TBCA: variants seen among roughly 807,000 people sequenced by gnomAD.
TBCA encodes the protein tubulin folding cofactor A.
Under a neutral mutation model 15.8 loss-of-function variants are expected in TBCA, and 6 were observed. The ratio of observed to expected loss-of-function variants is 0.38; its 90% CI spans 0.21 to 0.75. TBCA has a LOEUF of 0.75. TBCA is among the 30% of genes least tolerant of loss of function. The pLI, the probability that TBCA is intolerant of heterozygous loss-of-function variation, is 0.46. For synonymous variants in TBCA, 32 were observed against 42.3 expected (o/e 0.76, Z 0.94); for missense variants, 90 against 131.2 (o/e 0.69, Z 1.53).
chr5:77,695,288 A>G (rs181994377), intron 2 of TBCA, among the ~76,000 whole-genome samples: 1 of 152,248 alleles, frequency 6.6e-6, no homozygotes, highest in African/African-American at 2.4e-5. Context: ...CAACTTACAC[A>G]GGGCCAAAGC....
chr5:77,767,806 T>C (rs1040313014), intron 1 of TBCA, among the ~76,000 whole-genome samples: 20 of 152,352 alleles, frequency 1.3e-4, no homozygotes, highest in African/African-American at 4.6e-4. Flanking sequence ...ATCCACACTG[T>C]TGATAATCTA....
intron 1 of TBCA, among the ~76,000 whole-genome samples, chr5:77,747,287 C>A (rs982059575): frequency 6.6e-6 from 1 of 152,042 alleles, no homozygotes; most frequent in African/African-American, 2.4e-5. Flanking sequence ...CTACTACTTT[C>A]ACTACATATA....
At chr5:77,720,439 C>T (rs956219467) in intron 1 of TBCA, among the ~76,000 whole-genome samples, 3 of 152,158 alleles carry the variant, frequency 2.0e-5, no homozygotes, top group Admixed American at 6.5e-5. Flanking sequence ...GTCGGCCAGG[C>T]GCGGTGGCTC....
intron 1 of TBCA, among the ~76,000 whole-genome samples, chr5:77,711,603 T>C (rs1746279203): frequency 6.6e-6 from 1 of 152,164 alleles, no homozygotes; most frequent in African/African-American, 2.4e-5. Flanking sequence ...GAAATATATA[T>C]TTATAAAACA....
intron 1 of TBCA, among the ~76,000 whole-genome samples, chr5:77,738,105 T>A (rs995921161): frequency 6.6e-6 from 1 of 152,232 alleles, no homozygotes; most frequent in Non-Finnish European, 1.5e-5. Flanking sequence ...AAAGCCAATA[T>A]AATCTATCAC....
intron 1 of TBCA, among the ~76,000 whole-genome samples, chr5:77,722,934 T>G (rs1186290783): frequency 2.6e-5 from 4 of 151,806 alleles, no homozygotes; most frequent in Non-Finnish European, 5.9e-5. Context: ...TCTATGATAG[T>G]ATAATATTAA....
chr5:77,750,913 A>G (rs1277641881), intron 1 of TBCA, among the ~76,000 whole-genome samples: 1 of 152,180 alleles, frequency 6.6e-6, no homozygotes, highest in East Asian at 1.9e-4. Context: ...GGTAGATTTA[A>G]ACATATTCTG....
At chr5:77,717,307 G>C (rs943559540) in intron 1 of TBCA, among the ~76,000 whole-genome samples, 4 of 152,156 alleles carry the variant, frequency 2.6e-5, no homozygotes, top group African/African-American at 9.7e-5. Context: ...AGATTGTTCT[G>C]TAAGTACAGA....
intron 1 of TBCA, among the ~76,000 whole-genome samples, chr5:77,761,991 T>C (rs1053353732): frequency 1.3e-5 from 2 of 152,324 alleles, no homozygotes; most frequent in South Asian, 2.1e-4. Context: ...GCAGAATCAG[T>C]TTCTGTGGCC....
At chr5:77,752,483 C>T (rs1016231313) in intron 1 of TBCA, among the ~76,000 whole-genome samples, 1 of 152,218 alleles carries the variant, frequency 6.6e-6, no homozygotes, top group Admixed American at 6.5e-5. Flanking sequence ...ACTGCCTCAG[C>T]CTCCAAAGTA....
intron 1 of TBCA, among the ~76,000 whole-genome samples, chr5:77,773,800 A>G (rs1365257710): frequency 6.6e-6 from 1 of 152,244 alleles, no homozygotes; most frequent in Non-Finnish European, 1.5e-5. Flanking sequence ...AACAGGAAGA[A>G]GCCAGTTGGT....
intron 3 of TBCA, chr5:77,692,042 T>C (rs1380715715): frequency 1.0e-6 from 1 of 985,218 alleles, no homozygotes; most frequent in Non-Finnish European, 1.2e-6. Flanking sequence ...TTTCATTTTC[T>C]GATATTTAAA....
chr5:77,743,225 G>A (rs781089068), intron 1 of TBCA, among the ~76,000 whole-genome samples: 3 of 152,164 alleles, frequency 2.0e-5, no homozygotes, highest in Admixed American at 1.3e-4. Context: ...AGCATATAGC[G>A]GTTAGAGGTA....
At chr5:77,692,298 C>CA (rs1302290433) in intron 3 of TBCA, 1 of 985,254 alleles carries the variant, frequency 1.0e-6, no homozygotes, top group Non-Finnish European at 1.2e-6. Flanking sequence ...TTGCTTAGCT[C>CA]AAACTATACG....
chr5:77,742,641 G>T (rs950215082), intron 1 of TBCA, among the ~76,000 whole-genome samples: 2 of 152,140 alleles, frequency 1.3e-5, no homozygotes, highest in Non-Finnish European at 2.9e-5. Context: ...ATACCAAAAT[G>T]TTCAGGTAAT....
intron 1 of TBCA, among the ~76,000 whole-genome samples, chr5:77,740,441 T>A (rs1334131398): frequency 6.6e-6 from 1 of 151,844 alleles, no homozygotes; most frequent in African/African-American, 2.4e-5. Flanking sequence ...CTATAGGAAT[T>A]GAGATGTAGG....
At chr5:77,773,666 G>A (rs1747959993) in intron 1 of TBCA, among the ~76,000 whole-genome samples, 1 of 152,214 alleles carries the variant, frequency 6.6e-6, no homozygotes, top group Non-Finnish European at 1.5e-5. Context: ...TGGCAATAAA[G>A]CTTCCCGGGA....
At chr5:77,765,467 C>T (rs1747749548) in intron 1 of TBCA, among the ~76,000 whole-genome samples, 1 of 152,168 alleles carries the variant, frequency 6.6e-6, no homozygotes, top group Non-Finnish European at 1.5e-5. Context: ...TAACATTGGA[C>T]ATAGCCAGGA....
chr5:77,700,598 G>C (rs1322202512), intron 2 of TBCA, among the ~76,000 whole-genome samples: 2 of 152,208 alleles, frequency 1.3e-5, no homozygotes, highest in Non-Finnish European at 2.9e-5. Flanking sequence ...TAGAGAAATT[G>C]AATCATTGCT....
Sources: allele counts gnomAD v4.1 joint callset (sites outside exome capture counted in the v4.1 genomes callset), GRCh38; gene constraint gnomAD v4.1.1; transcripts MANE v1.5; gene names NCBI Gene and HGNC (gene_info 2026-07-23, HGNC 2026-07-21).